Variants in NCL observed in about 807,000 individuals in gnomAD.
NCL encodes nucleolin multifunctional protein.
NCL carries 4 observed loss-of-function variants against 77.7 expected under a neutral mutation model. The ratio of observed to expected loss-of-function variants is 0.05; its 90% CI spans 0.03 to 0.12. NCL has a LOEUF of 0.12. Among genes scored for constraint, NCL ranks in the 10% least tolerant of loss-of-function variants. The probability of loss-of-function intolerance (pLI) is 1.00; values close to 1 mark genes in which losing one functional copy is unlikely to be tolerated. For synonymous variants in NCL, 344 were observed against 297.8 expected (o/e 1.16, Z -1.60); for missense variants, 763 against 860.9 (o/e 0.89, Z 1.42).
At chr2:231,460,376 T>C (rs1412757846) in intron 5 of NCL, 83 bp from the exon 6 acceptor site, 2 of 1,594,178 alleles carry the variant, frequency 1.3e-6, no homozygotes, top group Non-Finnish European at 1.7e-6. Flanking sequence ...ACACAGCACA[T>C]CAGCACACTA....
chr2:231,463,681 G>A, intron 1 of NCL: 1 of 208,328 alleles, frequency 4.8e-6, no homozygotes, highest in Non-Finnish European at 9.6e-6. Context: ...GATCATTAAG[G>A]CACTTAAAAA....
At position 231,460,726 on chromosome 2, in the gene NCL, C is replaced by G. The variant is rs1439313278; in HGVS notation, c.754G>C (p.Asp252His). The change falls in exon 4 of 14, where the codon GAT becomes CAT. Residue 252 changes from aspartate to histidine, a missense_variant. By Grantham distance (81) the Asp-to-His change is moderately conservative (BLOSUM62 -1). Transcript: ENST00000322723. ...DEDEDDDDDE[D>H]DEDDDDEDDE... ...TCTTCATCATCATCATCTTCATCATCTTCGTCGTCGTCGTCATCCTCGTCC... is the reference window on the plus strand; with the variant it reads ...TCTTCATCATCATCATCTTCATCATGTTCGTCGTCGTCGTCATCCTCGTCC... 1.2e-6 allele frequency: 2 copies of G among 1,612,418 alleles called. No individual in the cohort carries two copies. The highest frequency in any genetic ancestry group is 1.7e-6 in the Non-Finnish European group (2 of 1,178,564).
Position 231,460,013 on chromosome 2 carries a change from A to G in NCL, c.1040+139T>C. 6 of 1,006,628 alleles carry G rather than the reference A, an allele frequency of 6.0e-6. No individual in the cohort carries two copies. The South Asian group carries it at 6.6e-5, about 11-fold the overall frequency. 62.4% of individuals were successfully genotyped at this position (1,006,628 alleles called of 1,614,324 possible). A position where few individuals can be genotyped will look rare whatever the true frequency, so the allele number is the denominator to read the frequency against. On this transcript the variant is annotated intron_variant, in intron 6 of 13. Coordinates refer to ENST00000322723, the MANE Select transcript of NCL (RefSeq NM_005381.3). ...TTAGGGGATCTACAGTTTAATTCTAACTTAGTTCACTAATGCTAATCCTTG... is the reference window on the plus strand; with the variant it reads ...TTAGGGGATCTACAGTTTAATTCTAGCTTAGTTCACTAATGCTAATCCTTG...
chr2:231,457,424 T>G, intron 9 of NCL: 1 of 752,458 alleles, frequency 1.3e-6, no homozygotes, highest in South Asian at 1.5e-5. Context: ...GAAGCTTGAT[T>G]TGCCTACTGT....
At chr2:231,455,361 A>G in intron 13 of NCL, 40 bp downstream of exon 13, 2 of 1,613,618 alleles carry the variant, frequency 1.2e-6, no homozygotes, top group Non-Finnish European at 1.7e-6. Context: ...GGGTCTGAAG[A>G]GCACATGCTA....
chr2:231,458,127 T>G (rs1173040374), intron 8 of NCL, 139 bp downstream of exon 8: 1 of 1,123,424 alleles, frequency 8.9e-7, no homozygotes, highest in African/African-American at 1.6e-5. Context: ...ATGGTACAGA[T>G]GGGTTACTGA....
At chr2:231,456,899 A>G in intron 10 of NCL, 102 bp downstream of exon 10, 1 of 1,558,648 alleles carries the variant, frequency 6.4e-7, no homozygotes, top group Non-Finnish European at 8.7e-7. Flanking sequence ...TTACGTAGCT[A>G]AAATTATTTG....
Position 231,460,744 on chromosome 2 carries a change from C to G in NCL, c.736G>C (p.Asp246His), listed in dbSNP as rs372307833. ...TCATCATCTTCGTCGTCGTCGTCAT[C>G]CTCGTCCTCATCATCCTCTTCTTCA... ...EDEEEDDEDE[D>H]DDDDEDDEDD... The change falls in exon 4 of 14, where the codon GAT becomes CAT. Residue 246 changes from aspartate (D) to histidine (H), a missense_variant. Coordinates refer to ENST00000322723, the MANE Select transcript of NCL (RefSeq NM_005381.3). 2.2e-5 allele frequency: 35 copies of G among 1,613,334 alleles called. No homozygotes were observed. Among genetic ancestry groups the G allele is most frequent in the Non-Finnish European group, 3.0e-5 (35 of 1,179,264 alleles).
rs886635598 is a variant in NCL at position 231,457,481 on chromosome 2, T to G, written c.1447+162A>C. ...AGAGCTCTCATTCAAGATTGGAAAT[T>G]ACTATTCCAAATAAGAGTATGACTT... On this transcript the variant is annotated intron_variant, in intron 9 of 13. Coordinates refer to ENST00000322723, the MANE Select transcript of NCL (RefSeq NM_005381.3). 4 of 824,454 alleles carry G rather than the reference T, an allele frequency of 4.9e-6. No individual in the cohort carries two copies. The Admixed American group carries it at 8.9e-5, about 18-fold the overall frequency. 51.1% of individuals were successfully genotyped at this position (824,454 alleles called of 1,614,324 possible).
At chr2:231,464,112 T>C (rs2125639004) in intron 1 of NCL, 1 of 1,372,220 alleles carries the variant, frequency 7.3e-7, no homozygotes, top group Admixed American at 2.9e-5. Flanking sequence ...AGTGACTCTG[T>C]CTTTCCCGCC....
In NCL at chr2:231,457,814, A is replaced by G; in HGVS notation, c.1290-14T>C. The G allele has an allele frequency of 6.3e-7, 1 of 1,581,928 alleles. No homozygotes were observed. Among genetic ancestry groups the G allele is most frequent in the East Asian group, 2.3e-5 (1 of 44,236 alleles). ...ATATAAGCAATCCTGCAATGGAGGGAGAAGAACTCATGGTTTTTAAAACCA... is the reference window on the plus strand; with the variant it reads ...ATATAAGCAATCCTGCAATGGAGGGGGAAGAACTCATGGTTTTTAAAACCA... On this transcript the variant is annotated splice_polypyrimidine_tract_variant and intron_variant, in intron 8 of 13. Transcript: ENST00000322723.
rs1322246496 is a variant in NCL at position 231,456,526 on chromosome 2, T to C, written c.1705+105A>G. 4.0e-6 allele frequency: 6 copies of C among 1,506,896 alleles called. No individual in the cohort carries two copies. In the Admixed American group the frequency reaches 6.7e-5, roughly 17 times the overall value. The allele number at this position is 1,506,896 out of a possible 1,614,324, so 93.3% of individuals were successfully genotyped here. On this transcript the variant is annotated intron_variant, in intron 11 of 13. Transcript: ENST00000322723. Reference sequence around the variant, plus strand: ...CAGGTAATCAGTCATCATATCCAGTTATTGTTCACTCAGTAGCAACAGGAA... The same window carrying C: ...CAGGTAATCAGTCATCATATCCAGTCATTGTTCACTCAGTAGCAACAGGAA...
In NCL at chr2:231,457,626, C is replaced by T. The variant is rs992420139; in HGVS notation, c.1447+17G>A. ...CTCCACCAATTCTGAAACCTTGTAA[C>T]AAGCCTAATTTCTTACCACTCCAAG... is the stretch of plus-strand genomic sequence containing the variant. On this transcript the variant is annotated intron_variant, in intron 9 of 13. Transcript: ENST00000322723. 2 of 1,574,114 alleles carry T rather than the reference C, an allele frequency of 1.3e-6. No individual in the cohort carries two copies. The highest frequency in any genetic ancestry group is 2.7e-5 in the African/African-American group (2 of 73,074).
intron 12 of NCL, 86 bp downstream of exon 12, chr2:231,455,924 T>G: frequency 6.3e-7 from 1 of 1,595,076 alleles, no homozygotes; most frequent in Non-Finnish European, 8.6e-7. Context: ...AGAAAGGAGC[T>G]CAATGAGAAG....
chr2:231,455,440 G>C lies in NCL; in HGVS notation c.2017C>G (p.Arg673Gly). The C allele has an allele frequency of 1.2e-6, 2 of 1,613,828 alleles. No homozygotes were observed. Among genetic ancestry groups the C allele is most frequent in the Non-Finnish European group, 1.7e-6 (2 of 1,179,956 alleles). ...CGGCCTCTGCCACCAAATCCTCCTC[G>C]GCCTCCTCTACCACCACCTCGTCCT... ...FGGRGGGRGG[R>G]GGFGGRGRGG... The change falls in exon 13 of 14, where the codon CGA (arginine) becomes GGA (glycine). Residue 673 changes from arginine to glycine, a missense_variant. Around this residue, in one of 2 missense-constraint regions of NCL, gnomAD observed 173 missense variants for 290.4 expected, o/e 0.60. Transcript: ENST00000322723.
rs1575260143 is a variant in NCL, at chr2:231,458,336, C to T, written c.1219G>A (p.Asp407Asn). ...TCTTCAAACACTTCTTTCAATTCAT[C>T]CTGAGTGACTTTGTAAGGGAGATTT... The part of the protein sequence containing the change: ...AKNLPYKVTQ[D>N]ELKEVFEDAA... Residue 407 changes from aspartate to asparagine, a missense_variant, in exon 8 of 14, where the codon GAT becomes AAT. Around this residue, in one of 2 missense-constraint regions of NCL, gnomAD observed 590 missense variants for 570.5 expected, o/e 1.03. Coordinates refer to ENST00000322723, the MANE Select transcript of NCL (RefSeq NM_005381.3). 3 of 1,614,044 alleles carry T rather than the reference C, an allele frequency of 1.9e-6. No individual in the cohort carries two copies. The highest frequency in any genetic ancestry group is 1.1e-5 in the South Asian group (1 of 91,074).
rs2046871769 is a variant in NCL, at chr2:231,455,127, G to A, written c.*64C>T. On this transcript the variant is annotated 3_prime_UTR_variant, in exon 14 of 14. Transcript: ENST00000322723. Reference sequence around the variant, plus strand: ...CCTCAGAAGGCTCTGTCATTGATCAGGTAACAGTAAAAACCCCAGAGTCCT... The same window carrying A: ...CCTCAGAAGGCTCTGTCATTGATCAAGTAACAGTAAAAACCCCAGAGTCCT... The A allele has an allele frequency of 1.5e-5, 23 of 1,563,116 alleles. No individual in the cohort carries two copies. In the South Asian group the frequency reaches 2.2e-4, roughly 15 times the overall value.
In NCL at chr2:231,461,917, T is replaced by C. The variant is rs765245360; in HGVS notation, c.236A>G (p.Lys79Arg). The C allele has an allele frequency of 6.2e-7, 1 of 1,614,250 alleles. No individual in the cohort carries two copies. Residue 79 changes from lysine to arginine, a missense_variant, in exon 3 of 14, where the codon AAG becomes AGG. Transcript: ENST00000322723. ...TKKVAVATPA[K>R]KAAVTPGKKA... ...TTTGCCTGGAGTGACAGCTGCTTTC[T>C]TGGCTGGTGTGGCAACTGCAACCTT...
chr2:231,455,673 T>C (rs765334462), intron 12 of NCL, 49 bp from the exon 13 acceptor site: 6 of 1,580,366 alleles, frequency 3.8e-6, no homozygotes, highest in Non-Finnish European at 5.2e-6. Context: ...CTACTACACA[T>C]GTCCCAAGTT....
Sources: allele counts gnomAD v4.1 joint callset, GRCh38; gene constraint gnomAD v4.1.1; regional missense constraint gnomAD v4.1.1; transcripts MANE v1.5; gene names NCBI Gene and HGNC (gene_info 2026-07-23, HGNC 2026-07-21).